ARHGAP32: variants seen among roughly 807,000 people sequenced by gnomAD.
ARHGAP32 encodes the protein rho GTPase-activating protein 32.
Under a neutral mutation model 186.5 loss-of-function variants are expected in ARHGAP32, and 51 were observed. The ratio of observed to expected loss-of-function variants is 0.27; its 90% CI spans 0.22 to 0.35. ARHGAP32 has a LOEUF of 0.35. ARHGAP32 is among the 10% of genes least tolerant of loss of function. The pLI, the probability that ARHGAP32 is intolerant of heterozygous loss-of-function variation, is 1.00. For missense variants in ARHGAP32, 2,186 were observed against 2,623.5 expected (o/e 0.83, Z 3.64); for synonymous variants, 950 against 964.3 (o/e 0.99, Z 0.27).
intron 11 of ARHGAP32, among the ~76,000 whole-genome samples, chr11:129,016,541 T>A (rs1475413752): frequency 6.6e-6 from 1 of 152,242 alleles, no homozygotes; most frequent in South Asian, 2.1e-4. Context: ...ACTGATTCTA[T>A]CTTACGTGAA....
At chr11:129,099,731 AAAG>A (rs1190858379) in intron 5 of ARHGAP32, among the ~76,000 whole-genome samples, 1 of 152,226 alleles carries the variant, frequency 6.6e-6, no homozygotes, top group African/African-American at 2.4e-5. Flanking sequence ...TTCAATACAC[AAAG>A]AAGATACAAT....
At chr11:129,257,836 A>T (rs1392087785) in intron 1 of ARHGAP32, among the ~76,000 whole-genome samples, 1 of 152,138 alleles carries the variant, frequency 6.6e-6, no homozygotes, top group Admixed American at 6.6e-5. Context: ...CTATTCATCC[A>T]AATTAACTTA....
At chr11:129,087,376 T>C (rs1438518540) in intron 6 of ARHGAP32, among the ~76,000 whole-genome samples, 1 of 152,110 alleles carries the variant, frequency 6.6e-6, no homozygotes, top group African/African-American at 2.4e-5. Context: ...ATACATAAAA[T>C]GTGGTATAAC....
intron 1 of ARHGAP32, among the ~76,000 whole-genome samples, chr11:129,184,923 G>A (rs773056990): frequency 2.8e-4 from 42 of 152,128 alleles, no homozygotes; most frequent in Non-Finnish European, 5.7e-4. Context: ...AAATACAAAT[G>A]ATCCAAAACT....
At chr11:129,225,855 A>G (rs1299272780) in intron 1 of ARHGAP32, among the ~76,000 whole-genome samples, 3 of 152,174 alleles carry the variant, frequency 2.0e-5, no homozygotes, top group Non-Finnish European at 4.4e-5. Context: ...AAAGAACTAA[A>G]GGAAACTGTG....
intron 1 of ARHGAP32, among the ~76,000 whole-genome samples, chr11:129,225,881 A>C (rs1944774403): frequency 6.6e-6 from 1 of 152,166 alleles, no homozygotes; most frequent in Non-Finnish European, 1.5e-5. Context: ...AAAGTATGAG[A>C]ATGATGCTTC....
chr11:129,274,539 C>G (rs891607926), intron 1 of ARHGAP32, among the ~76,000 whole-genome samples: 1 of 152,130 alleles, frequency 6.6e-6, no homozygotes, highest in African/African-American at 2.4e-5. Context: ...GTTTGTAGAA[C>G]TGCAAGAGCC....
At chr11:129,274,752 GAAA>G (rs371168943) in intron 1 of ARHGAP32, among the ~76,000 whole-genome samples, 7 of 148,762 alleles carry the variant, frequency 4.7e-5, no homozygotes, top group African/African-American at 1.7e-4. Flanking sequence ...GATCTATTTA[GAAA>G]AAAAAAATTA....
chr11:129,087,470 C>T (rs1218646848), intron 6 of ARHGAP32, among the ~76,000 whole-genome samples: 8 of 152,124 alleles, frequency 5.3e-5, no homozygotes, highest in Admixed American at 5.2e-4. Flanking sequence ...ATGCATATTA[C>T]TAAGTGAAAG....
chr11:129,193,681 A>ATT (rs1565464861), upstream of ARHGAP32, among the ~76,000 whole-genome samples: 13 of 45,690 alleles, frequency 2.8e-4, no homozygotes, highest in South Asian at 4.0e-4. Context: ...TATAATATAT[A>ATT]ATATATATTA....
intron 2 of ARHGAP32, among the ~76,000 whole-genome samples, chr11:129,140,604 G>C (rs1943030760): frequency 6.6e-6 from 1 of 152,126 alleles, no homozygotes; most frequent in Non-Finnish European, 1.5e-5. Flanking sequence ...AGCACTCCCA[G>C]GACCCCATTG....
intron 15 of ARHGAP32, among the ~76,000 whole-genome samples, chr11:128,982,547 A>C (rs982401246): frequency 1.3e-5 from 2 of 151,468 alleles, no homozygotes; most frequent in Admixed American, 6.6e-5. Context: ...TCTATCACCT[A>C]GCATGTCTCA....
chr11:129,073,497 A>C (rs1302429093), intron 6 of ARHGAP32, among the ~76,000 whole-genome samples: 1 of 152,192 alleles, frequency 6.6e-6, no homozygotes, highest in Non-Finnish European at 1.5e-5. Flanking sequence ...AAAGAATTGG[A>C]GCTTGAGGGT....
intron 1 of ARHGAP32, among the ~76,000 whole-genome samples, chr11:129,270,325 A>C (rs1194094875): frequency 6.6e-6 from 1 of 152,208 alleles, no homozygotes; most frequent in Non-Finnish European, 1.5e-5. Context: ...AAAAGTATGG[A>C]AACAGTAAAA....
intron 6 of ARHGAP32, among the ~76,000 whole-genome samples, chr11:129,085,702 C>T (rs965434166): frequency 3.5e-4 from 53 of 152,052 alleles, no homozygotes; most frequent in Admixed American, 6.6e-5. Flanking sequence ...GACCTCAAGA[C>T]TTATAATAAA....
chr11:129,040,179 A>AG (rs1939534979), intron 11 of ARHGAP32, among the ~76,000 whole-genome samples: 1 of 152,174 alleles, frequency 6.6e-6, no homozygotes. Context: ...TACTATCATA[A>AG]GGTAAACAGT....
intron 1 of ARHGAP32, among the ~76,000 whole-genome samples, chr11:129,276,854 C>T (rs12273507): frequency 0.015 from 2,280 of 152,308 alleles, 25 homozygotes; most frequent in Non-Finnish European, 0.022. Context: ...ATGTAAATAA[C>T]TTGTCCAAGG....
At chr11:129,182,531 C>T (rs1209653243) in intron 1 of ARHGAP32, among the ~76,000 whole-genome samples, 1 of 151,848 alleles carries the variant, frequency 6.6e-6, no homozygotes, top group Non-Finnish European at 1.5e-5. Context: ...TTTTATGTAG[C>T]CTCATTTCTC....
intron 1 of ARHGAP32, among the ~76,000 whole-genome samples, chr11:129,169,318 A>C (rs1049245044): frequency 6.6e-6 from 1 of 152,132 alleles, no homozygotes; most frequent in African/African-American, 2.4e-5. Context: ...ATAAACAGAA[A>C]GCCTGTGAAC....
Sources: gnomAD v4.1 joint callset for allele counts (sites outside exome capture counted in the v4.1 genomes callset) on GRCh38, gnomAD v4.1.1 for gene constraint, MANE v1.5 for transcripts, NCBI Gene and HGNC (gene_info 2026-07-23, HGNC 2026-07-21) for gene names.